The following KCNH5 variants were observed in gnomAD, a reference collection of about 807,000 sequenced individuals.
KCNH5 encodes the protein voltage-gated delayed rectifier potassium channel KCNH5.
A neutral mutation model predicts 96.1 loss-of-function variants in KCNH5; 46 were observed. That is an observed-to-expected ratio of 0.48 (90% CI 0.38 to 0.61). The LOEUF is 0.61. Among genes scored for constraint, KCNH5 ranks in the 20% least tolerant of loss-of-function variants. The pLI, the probability that KCNH5 is intolerant of heterozygous loss-of-function variation, is 0.00. For synonymous variants in KCNH5, 439 were observed against 449.8 expected, an observed-to-expected ratio of 0.98 and a Z score of 0.30; for missense variants, 907 against 1,225.8, an observed-to-expected ratio of 0.74 and a Z score of 3.88.
intron 8 of KCNH5, among the ~76,000 whole-genome samples, chr14:62,808,452 G>A (rs1007201247): frequency 1.3e-5 from 2 of 152,034 alleles, no homozygotes; most frequent in African/African-American, 4.8e-5. Context: ...AAAATGTAAA[G>A]GGTTATAAAA....
At chr14:62,747,105 G>A (rs560605637) in intron 10 of KCNH5, among the ~76,000 whole-genome samples, 7 of 152,190 alleles carry the variant, frequency 4.6e-5, no homozygotes, top group Non-Finnish European at 7.3e-5. Context: ...AACCCGAGGC[G>A]GGTGGATCAC....
intron 3 of KCNH5, 85 bp downstream of exon 3, chr14:63,006,281 T>C: frequency 1.4e-6 from 1 of 736,224 alleles, no homozygotes; most frequent in Non-Finnish European, 2.3e-6. Flanking sequence ...GTTTACATGC[T>C]CTCTACATTT....
rs930459870 is a variant in KCNH5 at position 62,955,891 on chromosome 14, G to A, written c.943-5332C>T. On this transcript the variant is annotated intron_variant, in intron 6 of 10. Coordinates refer to ENST00000322893, the MANE Select transcript of KCNH5 (RefSeq NM_139318.5). ...ACACTGAAGATCAGACAGGTTGAACGAATCGTCCAAAGACACAGTTAGCAA... is the reference window on the plus strand; with the variant it reads ...ACACTGAAGATCAGACAGGTTGAACAAATCGTCCAAAGACACAGTTAGCAA... Among the ~76,000 whole-genome samples the A allele has an allele frequency of 2.6e-5, 4 of 152,196 alleles. No individual in the cohort carries two copies. The South Asian group carries it at 6.2e-4, about 24-fold the overall frequency.
At chr14:62,721,656 T>G (rs1373831240) in intron 10 of KCNH5, among the ~76,000 whole-genome samples, 4 of 152,128 alleles carry the variant, frequency 2.6e-5, no homozygotes, top group African/African-American at 9.7e-5. Context: ...AATTTTATTT[T>G]TATTTCCCTC....
At chr14:62,798,286 C>T (rs1886581092) in intron 9 of KCNH5, among the ~76,000 whole-genome samples, 1 of 152,092 alleles carries the variant, frequency 6.6e-6, no homozygotes, top group Admixed American at 6.6e-5. Flanking sequence ...AATCAATGAA[C>T]ACAAAGACAA....
chr14:62,786,708 A>AAT (rs1886327627), intron 9 of KCNH5, among the ~76,000 whole-genome samples: 1 of 152,094 alleles, frequency 6.6e-6, no homozygotes, highest in African/African-American at 2.4e-5. Context: ...TTCTAACAGC[A>AAT]TGTGATCATT....
At chr14:62,779,169 C>A (rs1886156810) in intron 10 of KCNH5, among the ~76,000 whole-genome samples, 1 of 152,134 alleles carries the variant, frequency 6.6e-6, no homozygotes, top group African/African-American at 2.4e-5. Flanking sequence ...TCATTGGCTA[C>A]AAAATGGCAG....
chr14:62,999,031 A>G (rs891870603), intron 4 of KCNH5, among the ~76,000 whole-genome samples: 5 of 152,196 alleles, frequency 3.3e-5, no homozygotes, highest in Non-Finnish European at 7.3e-5. Context: ...CATGATTTAT[A>G]GTCCTTTGGG....
chr14:62,781,710 A>G (rs1303963236), intron 9 of KCNH5, among the ~76,000 whole-genome samples: 1 of 152,236 alleles, frequency 6.6e-6, no homozygotes, highest in African/African-American at 2.4e-5. Flanking sequence ...GTTTAAGGTT[A>G]TCTTTCTTAT....
chr14:62,997,899 C>CAAAA lies in KCNH5; in HGVS notation c.433+3428_433+3431dup, dbSNP rs568941043. Among the ~76,000 whole-genome samples the CAAAA allele has an allele frequency of 8.3e-3, 504 of 60,664 alleles. 9 individuals are homozygous for CAAAA. Among genetic ancestry groups the CAAAA allele is most frequent in the African/African-American group, 0.028 (461 of 16,424 alleles). The allele number at this position is 60,664 out of a possible 152,430, so 39.8% of individuals were successfully genotyped here. A position where few individuals can be genotyped will look rare whatever the true frequency, so the allele number is the denominator to read the frequency against. Reference sequence around the variant, plus strand: ...TGGGGGACAGAGCCAGACTCCATCTCAAAAAAAAAAAAAAAAAAAAATTAA... The same window carrying CAAAA: ...TGGGGGACAGAGCCAGACTCCATCTCAAAAAAAAAAAAAAAAAAAAAAAAATTAA... On this transcript the variant is annotated intron_variant, in intron 4 of 10. Coordinates refer to ENST00000322893, the MANE Select transcript of KCNH5 (RefSeq NM_139318.5).
rs556106033 is a variant in KCNH5, at chr14:62,757,620, A to C, written c.2019+22108T>G. Among the ~76,000 whole-genome samples, 75 of 152,256 alleles carry C rather than the reference A, an allele frequency of 4.9e-4. 3 individuals carry two copies. In the South Asian group the frequency reaches 0.014, roughly 29 times the overall value. On this transcript the variant is annotated intron_variant, in intron 10 of 10. Coordinates refer to ENST00000322893, the MANE Select transcript of KCNH5 (RefSeq NM_139318.5). The stretch of plus-strand genomic sequence containing the variant: ...TGTAGTACTATTCAGCCAAAAAAAA[A>C]AAAACCAAAAGAATGAGATCCAGAC...
chr14:63,031,084 G>A (rs1351751805), intron 1 of KCNH5, among the ~76,000 whole-genome samples: 2 of 151,150 alleles, frequency 1.3e-5, no homozygotes, highest in Non-Finnish European at 2.9e-5. Context: ...AACAGACCAG[G>A]AAAATTAAAG....
intron 8 of KCNH5, among the ~76,000 whole-genome samples, chr14:62,805,599 G>A (rs544445459): frequency 2.7e-4 from 41 of 152,198 alleles, no homozygotes; most frequent in African/African-American, 9.6e-4. Flanking sequence ...GCAAAACTTG[G>A]TTTTAAGGGA....
chr14:62,802,912 C>T (rs1267292956), intron 8 of KCNH5, among the ~76,000 whole-genome samples: 1 of 152,074 alleles, frequency 6.6e-6, no homozygotes, highest in African/African-American at 2.4e-5. Context: ...GAGGCCAAGG[C>T]GGGTAGATCA....
intron 7 of KCNH5, among the ~76,000 whole-genome samples, chr14:62,894,451 G>T (rs561924758): frequency 6.6e-6 from 1 of 152,174 alleles, no homozygotes; most frequent in Admixed American, 6.5e-5. Flanking sequence ...GCTCCTGCAC[G>T]TTTGTAAGTG....
chr14:62,999,207 G>A (rs913330435), intron 4 of KCNH5, among the ~76,000 whole-genome samples: 6 of 152,120 alleles, frequency 3.9e-5, no homozygotes, highest in Non-Finnish European at 8.8e-5. Flanking sequence ...GTTGTTTCCT[G>A]ACTTTTTAAT....
At chr14:62,770,780 C>T (rs1490030) in intron 10 of KCNH5, among the ~76,000 whole-genome samples, 6,470 of 152,238 alleles carry the variant, frequency 0.042, 284 homozygotes, top group African/African-American at 0.12. Flanking sequence ...AGTAATGTTA[C>T]ACTCCAGCTG....
At chr14:62,720,759 ACT>A (rs928169747) in intron 10 of KCNH5, among the ~76,000 whole-genome samples, 1 of 152,048 alleles carries the variant, frequency 6.6e-6, no homozygotes, top group South Asian at 2.1e-4. Context: ...CAACAACAAC[ACT>A]CTTTTTAGTC....
At chr14:62,967,588 A>G (rs997815161) in intron 6 of KCNH5, among the ~76,000 whole-genome samples, 20 of 152,144 alleles carry the variant, frequency 1.3e-4, no homozygotes, top group African/African-American at 4.3e-4. Flanking sequence ...TATTCTTTAT[A>G]AGTTAGTGTG....
Sources: allele counts gnomAD v4.1 joint callset (sites outside exome capture counted in the v4.1 genomes callset), GRCh38; gene constraint gnomAD v4.1.1; transcripts MANE v1.5; gene names NCBI Gene and HGNC (gene_info 2026-07-23, HGNC 2026-07-21).